The following FNDC3B variants were observed in gnomAD, a reference collection of about 807,000 sequenced individuals.
The protein encoded by FNDC3B is fibronectin type III domain containing 3B.
A neutral mutation model predicts 151.5 loss-of-function variants in FNDC3B; 12 were observed. That is an observed-to-expected ratio of 0.08 (90% CI 0.05 to 0.13). FNDC3B has a LOEUF of 0.13. Ranked by LOEUF, FNDC3B falls within the 10% of genes least tolerant of loss-of-function variation. The pLI, the probability that FNDC3B is intolerant of heterozygous loss-of-function variation, is 1.00. For synonymous variants in FNDC3B, 528 were observed against 549.0 expected (o/e 0.96, Z 0.54); for missense variants, 1,214 against 1,505.3 (o/e 0.81, Z 3.20).
rs563911105 is a variant in FNDC3B, at chr3:172,203,495, A to G, written c.188-23376A>G. ...GTTTTTCTATCTTTCTGAGCCATCAATTCTTAAGAAACTGCATAAGCATTT... is the reference window on the plus strand; with the variant it reads ...GTTTTTCTATCTTTCTGAGCCATCAGTTCTTAAGAAACTGCATAAGCATTT... On this transcript the variant is annotated intron_variant, in intron 3 of 25. Coordinates refer to ENST00000415807, the MANE Select transcript of FNDC3B (RefSeq NM_022763.4). Among the ~76,000 whole-genome samples, 538 of 152,370 alleles carry G rather than the reference A, an allele frequency of 3.5e-3. 3 individuals are homozygous for G. The highest frequency in any genetic ancestry group is 0.012 in the African/African-American group (511 of 41,588).
chr3:172,131,931 C>T (rs1721126909), intron 2 of FNDC3B, among the ~76,000 whole-genome samples: 1 of 151,794 alleles, frequency 6.6e-6, no homozygotes. Flanking sequence ...TTATTGAGCA[C>T]ATAACTTATT....
intron 3 of FNDC3B, among the ~76,000 whole-genome samples, chr3:172,136,898 T>G (rs1440006384): frequency 1.3e-5 from 2 of 152,142 alleles, no homozygotes; most frequent in Non-Finnish European, 2.9e-5. Flanking sequence ...TTTTTTGTAT[T>G]TTTAGCAGTG....
chr3:172,155,509 G>A (rs1722436176), intron 3 of FNDC3B, among the ~76,000 whole-genome samples: 1 of 152,196 alleles, frequency 6.6e-6, no homozygotes, highest in Non-Finnish European at 1.5e-5. Flanking sequence ...TGACTTTCCT[G>A]CATAGCCTCA....
chr3:172,320,575 A>G (rs144006187), intron 11 of FNDC3B, among the ~76,000 whole-genome samples: 485 of 152,276 alleles, frequency 3.2e-3, no homozygotes, highest in Non-Finnish European at 5.3e-3. Context: ...ATCGTTTCCA[A>G]TCTATTAATT....
intron 4 of FNDC3B, among the ~76,000 whole-genome samples, chr3:172,236,610 G>A (rs947217098): frequency 1.3e-5 from 2 of 151,928 alleles, no homozygotes; most frequent in Non-Finnish European, 2.9e-5. Flanking sequence ...TTGAGATGAG[G>A]CCTCGTGGTT....
chr3:172,142,498 G>T lies in FNDC3B; in HGVS notation c.187+8952G>T, dbSNP rs538162955. 4.6e-5 allele frequency among the ~76,000 whole-genome samples: 7 copies of T among 152,278 alleles called. No individual in the cohort carries two copies. In the East Asian group the frequency reaches 1.3e-3, roughly 29 times the overall value. On this transcript the variant is annotated intron_variant, in intron 3 of 25. Transcript: ENST00000415807. ...ATAATTCAGAAAAGCGAGCAGTGTCGCATTACCTCAGTGGTTGGCCACAGG... is the reference window on the plus strand; with the variant it reads ...ATAATTCAGAAAAGCGAGCAGTGTCTCATTACCTCAGTGGTTGGCCACAGG...
chr3:172,180,072 T>G (rs1046688939), intron 3 of FNDC3B, among the ~76,000 whole-genome samples: 1 of 152,176 alleles, frequency 6.6e-6, no homozygotes, highest in Non-Finnish European at 1.5e-5. Context: ...TCTCTTCATG[T>G]TTGCGTATTT....
intron 24 of FNDC3B, among the ~76,000 whole-genome samples, chr3:172,380,300 G>A (rs1046153145): frequency 1.3e-5 from 2 of 152,014 alleles, no homozygotes; most frequent in Non-Finnish European, 2.9e-5. Context: ...AATATTTTAA[G>A]TGCCTTACTG....
intron 3 of FNDC3B, among the ~76,000 whole-genome samples, chr3:172,148,382 A>C (rs916431786): frequency 7.2e-5 from 11 of 152,060 alleles, no homozygotes; most frequent in Non-Finnish European, 1.6e-4. Context: ...GGTAAAAAAA[A>C]TAGTGGGCCA....
chr3:172,381,976 G>A (rs1560108965), intron 25 of FNDC3B, among the ~76,000 whole-genome samples: 1 of 152,146 alleles, frequency 6.6e-6, no homozygotes, highest in Non-Finnish European at 1.5e-5. Flanking sequence ...AATCCTTTGG[G>A]TATATACCCA....
At chr3:172,058,122 CAT>C (rs1717003248) in intron 1 of FNDC3B, among the ~76,000 whole-genome samples, 2 of 152,192 alleles carry the variant, frequency 1.3e-5, no homozygotes, top group African/African-American at 4.8e-5. Flanking sequence ...GTTTTAACCA[CAT>C]GTTTGCAAAC....
chr3:172,343,949 G>A (rs1210955047), intron 18 of FNDC3B, 137 bp from the exon 19 acceptor site: 1 of 689,828 alleles, frequency 1.4e-6, no homozygotes, highest in Non-Finnish European at 2.5e-6. Flanking sequence ...TTTTTGGTGG[G>A]CATGGATTCT....
intron 3 of FNDC3B, among the ~76,000 whole-genome samples, chr3:172,217,211 G>T (rs1175834100): frequency 6.6e-6 from 1 of 152,158 alleles, no homozygotes; most frequent in Non-Finnish European, 1.5e-5. Flanking sequence ...AACAACCAAG[G>T]GTTCTAAAAA....
rs770523463 is a variant in FNDC3B at position 172,186,738 on chromosome 3, T to G, written c.188-40133T>G. The stretch of plus-strand genomic sequence containing the variant: ...TGAAGTGGTGAAGAGAGCCTGCGAT[T>G]GAAGATTTTTTCATCTCAGCTTTTT... On this transcript the variant is annotated intron_variant, in intron 3 of 25. Coordinates refer to ENST00000415807, the MANE Select transcript of FNDC3B (RefSeq NM_022763.4). 89 of 702,730 alleles carry G rather than the reference T, an allele frequency of 1.3e-4. No individual in the cohort carries two copies. In the African/African-American group the frequency reaches 1.5e-3, roughly 12 times the overall value. 43.5% of individuals were successfully genotyped at this position (702,730 alleles called of 1,614,324 possible).
chr3:172,066,264 A>G (rs1035452589), intron 1 of FNDC3B, among the ~76,000 whole-genome samples: 1 of 152,198 alleles, frequency 6.6e-6, no homozygotes, highest in Non-Finnish European at 1.5e-5. Context: ...ATGAGCAGTG[A>G]GGCGATAATG....
chr3:172,270,560 A>T (rs993850060), intron 6 of FNDC3B, among the ~76,000 whole-genome samples: 3 of 152,178 alleles, frequency 2.0e-5, no homozygotes, highest in Non-Finnish European at 4.4e-5. Context: ...GCATAGCCCA[A>T]ATGCTTCAGG....
At chr3:172,277,936 A>C (rs1248083517) in intron 6 of FNDC3B, among the ~76,000 whole-genome samples, 1 of 152,204 alleles carries the variant, frequency 6.6e-6, no homozygotes, top group African/African-American at 2.4e-5. Flanking sequence ...GGGTGGTAGT[A>C]GGTTGTGTCA....
intron 3 of FNDC3B, among the ~76,000 whole-genome samples, chr3:172,186,466 C>T (rs898674290): frequency 6.6e-6 from 1 of 152,170 alleles, no homozygotes; most frequent in Non-Finnish European, 1.5e-5. Context: ...CACCATGGGA[C>T]TCAGTGAGTA....
chr3:172,083,125 T>C (rs1718366687), intron 1 of FNDC3B, among the ~76,000 whole-genome samples: 1 of 152,238 alleles, frequency 6.6e-6, no homozygotes, highest in Non-Finnish European at 1.5e-5. Context: ...GTCTGGGTTT[T>C]GATTGTACCC....
Sources: gnomAD v4.1 joint callset for allele counts (sites outside exome capture counted in the v4.1 genomes callset) on GRCh38, gnomAD v4.1.1 for gene constraint, MANE v1.5 for transcripts, NCBI Gene and HGNC (gene_info 2026-07-23, HGNC 2026-07-21) for gene names.